Variants in NTN4 observed in about 807,000 individuals in gnomAD.
NTN4 encodes the protein netrin-4.
A neutral mutation model predicts 73.6 loss-of-function variants in NTN4; 32 were observed. The ratio of observed to expected loss-of-function variants is 0.44; its 90% CI spans 0.33 to 0.58. NTN4 has a LOEUF of 0.58. Among genes scored for constraint, NTN4 ranks in the 20% least tolerant of loss-of-function variants. NTN4 has a pLI of 0.04. For synonymous variants in NTN4, 258 were observed against 287.5 expected (o/e 0.90, Z 1.04); for missense variants, 654 against 798.3 (o/e 0.82, Z 2.18).
intron 3 of NTN4, among the ~76,000 whole-genome samples, chr12:95,715,384 G>T (rs1301463256): frequency 1.3e-5 from 2 of 152,038 alleles, no homozygotes; most frequent in Non-Finnish European, 2.9e-5. Flanking sequence ...AAAAAAAGAT[G>T]ATGTTGCAAA....
intron 1 of NTN4, 48 bp from the exon 2 acceptor site, chr12:95,787,516 G>A (rs140612459): frequency 6.4e-7 from 1 of 1,573,208 alleles, no homozygotes; most frequent in African/African-American, 1.3e-5. Flanking sequence ...CATCTGGAAA[G>A]CTCTTTTGGC....
intron 9 of NTN4, among the ~76,000 whole-genome samples, chr12:95,659,607 A>T (rs1167893297): frequency 6.6e-6 from 1 of 152,112 alleles, no homozygotes. Flanking sequence ...TGACTCCAGC[A>T]GTTTTATATA....
intron 3 of NTN4, among the ~76,000 whole-genome samples, chr12:95,722,665 A>G (rs1282973239): frequency 6.6e-6 from 1 of 151,892 alleles, no homozygotes; most frequent in African/African-American, 2.4e-5. Flanking sequence ...CAAGTGAAAG[A>G]AGGTTTTAAA....
Position 95,657,847 on chromosome 12 carries a change from CA to C in NTN4, c.*1238del, listed in dbSNP as rs1592800891. 1 of 151,874 alleles carries C rather than the reference CA, an allele frequency of 6.6e-6. No individual in the cohort carries two copies. The highest frequency in any genetic ancestry group is 6.6e-5 in the Admixed American group (1 of 15,216). 9.4% of individuals were successfully genotyped at this position (151,874 alleles called of 1,614,324 possible). Reference sequence around the variant, plus strand: ...TTATTACATATATGAAATATAAAAACAAATTAACAAAGCAATATATATATAT... The same window carrying C: ...TTATTACATATATGAAATATAAAAACAATTAACAAAGCAATATATATATAT... On this transcript the variant is annotated 3_prime_UTR_variant, in exon 10 of 10. Coordinates refer to ENST00000343702, the MANE Select transcript of NTN4 (RefSeq NM_021229.4).
intron 2 of NTN4, among the ~76,000 whole-genome samples, chr12:95,751,098 C>T (rs1339379247): frequency 2.6e-5 from 4 of 151,352 alleles, no homozygotes; most frequent in Non-Finnish European, 3.0e-5. Context: ...GTCAAAAGGC[C>T]GTCTTATTCT....
chr12:95,787,920 A>G (rs2079181777), intron 1 of NTN4, among the ~76,000 whole-genome samples: 1 of 152,222 alleles, frequency 6.6e-6, no homozygotes, highest in Non-Finnish European at 1.5e-5. Flanking sequence ...AGTCTTTCAA[A>G]TTTAATGTGA....
chr12:95,746,757 T>C (rs767754757), intron 2 of NTN4, among the ~76,000 whole-genome samples: 84 of 152,200 alleles, frequency 5.5e-4, no homozygotes, highest in Non-Finnish European at 2.5e-4. Flanking sequence ...CATCGAGCTC[T>C]ATCTAGGTTC....
At chr12:95,775,608 C>T (rs999890884) in intron 2 of NTN4, among the ~76,000 whole-genome samples, 2 of 152,246 alleles carry the variant, frequency 1.3e-5, no homozygotes, top group Admixed American at 6.5e-5. Context: ...TGAGATCGAA[C>T]TGCAAGGCGG....
intron 3 of NTN4, among the ~76,000 whole-genome samples, chr12:95,735,278 G>T (rs968308721): frequency 6.6e-6 from 1 of 152,038 alleles, no homozygotes; most frequent in Non-Finnish European, 1.5e-5. Context: ...GGGATAGCAA[G>T]AATTGTGATG....
chr12:95,722,069 T>TC (rs1281492539), intron 3 of NTN4, among the ~76,000 whole-genome samples: 1 of 138,638 alleles, frequency 7.2e-6, no homozygotes, highest in East Asian at 2.0e-4. Flanking sequence ...CAGTAGATCT[T>TC]TTTTTTTTTT....
chr12:95,682,761 C>T lies in NTN4; in HGVS notation c.1456G>A (p.Glu486Lys), dbSNP rs1208028292. 3.7e-6 allele frequency: 6 copies of T among 1,613,868 alleles called. No individual in the cohort carries two copies. Among genetic ancestry groups the T allele is most frequent in the African/African-American group, 1.3e-5 (1 of 75,006 alleles). Residue 486 changes from glutamate to lysine, a missense_variant, in exon 7 of 10, where the codon GAA becomes AAA. Transcript: ENST00000343702. ...GCATCCTCCCACTCCCAGGCTGGTT[C>T]GCTCTTATTGTGCACGGGACGGAAG... ...PDFRPVHNKS[E>K]PAWEWEDAQG...
chr12:95,738,252 G>A (rs1040259482), intron 2 of NTN4, 108 bp from the exon 3 acceptor site: 13 of 1,062,572 alleles, frequency 1.2e-5, no homozygotes, highest in East Asian at 4.8e-5. Context: ...ATCTGTGAAC[G>A]ATAAGATAAC....
At chr12:95,719,820 C>G (rs941134649) in intron 3 of NTN4, among the ~76,000 whole-genome samples, 7 of 152,128 alleles carry the variant, frequency 4.6e-5, no homozygotes, top group African/African-American at 1.4e-4. Context: ...GGCCTGAAAC[C>G]TACTGTCAGA....
In NTN4 at chr12:95,672,874, C is replaced by T. The variant is rs572465953; in HGVS notation, c.1511-2728G>A. The T allele has an allele frequency of 1.5e-4, 198 of 1,354,296 alleles. 2 individuals are homozygous for T. In the East Asian group the frequency reaches 2.0e-3, roughly 14 times the overall value. The allele number at this position is 1,354,296 out of a possible 1,614,324, so 83.9% of individuals were successfully genotyped here. A position where few individuals can be genotyped will look rare whatever the true frequency, so the allele number is the denominator to read the frequency against. On this transcript the variant is annotated intron_variant, in intron 7 of 9. Transcript: ENST00000343702. ...GATTGCAGCCCATGGCAACAGCCTC[C>T]GGGGCATTGTCAAGCATCTGGAAGG...
chr12:95,732,386 C>A (rs1173616362), intron 3 of NTN4, among the ~76,000 whole-genome samples: 1 of 139,322 alleles, frequency 7.2e-6, no homozygotes, highest in African/African-American at 2.6e-5. Flanking sequence ...TTCTCTCTCT[C>A]TTTCTTCCTC....
chr12:95,723,643 G>A lies in NTN4; in HGVS notation c.865-10305C>T, dbSNP rs535791201. 7.2e-5 allele frequency among the ~76,000 whole-genome samples: 11 copies of A among 152,200 alleles called. No individual in the cohort carries two copies. The East Asian group carries it at 2.1e-3, about 29-fold the overall frequency. On this transcript the variant is annotated intron_variant, in intron 3 of 9. Coordinates refer to ENST00000343702, the MANE Select transcript of NTN4 (RefSeq NM_021229.4). ...CGATTCTCCTGCCTCAGCCTCCTGAGTAACTGGGATTACAGGCGCCACCAC... is the reference window on the plus strand; with the variant it reads ...CGATTCTCCTGCCTCAGCCTCCTGAATAACTGGGATTACAGGCGCCACCAC...
At chr12:95,716,207 T>C (rs2078603914) in intron 3 of NTN4, among the ~76,000 whole-genome samples, 1 of 151,754 alleles carries the variant, frequency 6.6e-6, no homozygotes, top group African/African-American at 2.4e-5. Flanking sequence ...TTAGGGAAAA[T>C]GTTAAGGGGT....
At chr12:95,696,860 ATTAT>A (rs2078446127) in intron 5 of NTN4, among the ~76,000 whole-genome samples, 1 of 152,130 alleles carries the variant, frequency 6.6e-6, no homozygotes, top group African/African-American at 2.4e-5. Context: ...GTCCAGCTTT[ATTAT>A]TTATTTTTTG....
At chr12:95,721,978 G>A (rs1224303692) in intron 3 of NTN4, among the ~76,000 whole-genome samples, 1 of 151,456 alleles carries the variant, frequency 6.6e-6, no homozygotes, top group Non-Finnish European at 1.5e-5. Context: ...CCCCATCTGT[G>A]TACATTGACT....
Sources: gnomAD v4.1 joint callset for allele counts (sites outside exome capture counted in the v4.1 genomes callset) on GRCh38, gnomAD v4.1.1 for gene constraint, MANE v1.5 for transcripts, NCBI Gene and HGNC (gene_info 2026-07-23, HGNC 2026-07-21) for gene names.